The following BRD3 variants were observed in gnomAD, a reference collection of about 807,000 sequenced individuals.
BRD3 encodes bromodomain-containing protein 3.
In BRD3, 17 loss-of-function variants were observed where a neutral mutation model predicts 66.8. The ratio of observed to expected loss-of-function variants is 0.25; its 90% CI spans 0.17 to 0.38. The LOEUF (loss-of-function observed/expected upper bound fraction) is 0.38. Ranked by LOEUF, BRD3 falls within the 10% of genes least tolerant of loss-of-function variation. The probability of loss-of-function intolerance (pLI) is 1.00; values close to 1 mark genes in which losing one functional copy is unlikely to be tolerated. For missense variants in BRD3, 713 were observed against 956.1 expected (o/e 0.75, Z 3.35); for synonymous variants, 421 against 393.2 (o/e 1.07, Z -0.84).
rs750800680 is a variant in BRD3 at position 134,041,587 on chromosome 9, G to A, written c.1407+173C>T. ...CCCACGTGTGCTGTGGGTTAGGCTCGCACCACCCCAGACCTGGGGAGGGCA... is the reference window on the plus strand; with the variant it reads ...CCCACGTGTGCTGTGGGTTAGGCTCACACCACCCCAGACCTGGGGAGGGCA... On this transcript the variant is annotated intron_variant, in intron 8 of 11. Transcript: ENST00000303407. Among the ~76,000 whole-genome samples the A allele has an allele frequency of 3.9e-5, 6 of 152,330 alleles. No individual in the cohort carries two copies. In the East Asian group the frequency reaches 9.6e-4, roughly 24 times the overall value.
chr9:134,052,564 CTT>C, intron 2 of BRD3, 121 bp from the exon 3 acceptor site: 3 of 1,131,186 alleles, frequency 2.7e-6, no homozygotes, highest in Non-Finnish European at 3.8e-6. Flanking sequence ...CCCAGAGGCA[CTT>C]TCTGGTCTCT....
intron 3 of BRD3, 61 bp downstream of exon 3, chr9:134,052,245 C>T: frequency 6.3e-7 from 1 of 1,587,894 alleles, no homozygotes; most frequent in Non-Finnish European, 8.5e-7. Flanking sequence ...CCCAGGCCCA[C>T]TGCGTTGCAC....
At chr9:134,067,251 T>G (rs1830680108) in intron 1 of BRD3, among the ~76,000 whole-genome samples, 1 of 151,796 alleles carries the variant, frequency 6.6e-6, no homozygotes, top group Non-Finnish European at 1.5e-5. Flanking sequence ...TCCCCCTGGT[T>G]TGGGTGCAAT....
In BRD3 at chr9:134,031,182, C is replaced by T. The variant is rs562148137; in HGVS notation, c.*2408G>A. On this transcript the variant is annotated 3_prime_UTR_variant, in exon 12 of 12. Coordinates refer to ENST00000303407, the MANE Select transcript of BRD3 (RefSeq NM_007371.4). ...TCTTTCTAGATGAAAGGAGCAGAGG[C>T]GAGCCGACGCCACCGTCACAGAGAA... 4.0e-5 allele frequency: 9 copies of T among 223,692 alleles called. No individual in the cohort carries two copies. In the South Asian group the frequency reaches 1.1e-3, roughly 27 times the overall value. The allele number at this position is 223,692 out of a possible 1,614,324, so 13.9% of individuals were successfully genotyped here.
At chr9:134,059,006 C>T (rs951139209) in intron 1 of BRD3, among the ~76,000 whole-genome samples, 1 of 152,220 alleles carries the variant, frequency 6.6e-6, no homozygotes, top group African/African-American at 2.4e-5. Flanking sequence ...GGCACTGATT[C>T]AACACTGACT....
chr9:134,051,524 G>A (rs1830295232), intron 4 of BRD3, 38 bp downstream of exon 4: 3 of 1,485,364 alleles, frequency 2.0e-6, no homozygotes, highest in Non-Finnish European at 2.7e-6. Context: ...GGCCTCTGCA[G>A]AGAGGCCCAG....
chr9:134,041,913 C>A lies in BRD3; in HGVS notation c.1254G>T (p.Glu418Asp). 1 of 1,605,376 alleles carries A rather than the reference C, an allele frequency of 6.2e-7. No homozygotes were observed. The highest frequency in any genetic ancestry group is 8.5e-7 in the Non-Finnish European group (1 of 1,175,068). ...CAGGCAGCGCCGGTGCCTCCACGGG[C>A]TCATCTGGCATCTTGGCAAACCTCA... ...FEMRFAKMPD[E>D]PVEAPALPAP... Residue 418 changes from glutamate (E) to aspartate (D), a missense_variant, in exon 8 of 12, where the codon GAG (glutamate) becomes GAT (aspartate). Physicochemically the swap from Glu to Asp is conservative, Grantham distance 45 (BLOSUM62 2). Around this residue, in one of 5 missense-constraint regions of BRD3, gnomAD observed 418 missense variants for 609.3 expected, o/e 0.69. Coordinates refer to ENST00000303407, the MANE Select transcript of BRD3 (RefSeq NM_007371.4).
In BRD3 at chr9:134,040,169, T is replaced by A; in HGVS notation, c.1508A>T (p.Asp503Val). ...EKKEKEKKKKDKEKEKEKHKV... is the reference protein window; with the variant it reads ...EKKEKEKKKKVKEKEKEKHKV... Reference sequence around the variant, plus strand: ...GTGCTTCTCCTTCTCCTTCTCCTTGTCCTTCTTCTTCTTCTCCTTCTCCTT... The same window carrying A: ...GTGCTTCTCCTTCTCCTTCTCCTTGACCTTCTTCTTCTTCTCCTTCTCCTT... The change falls in exon 9 of 12, where the codon GAC becomes GTC. Residue 503 changes from aspartate (D) to valine (V), a missense_variant. Asp to Val is a radical substitution (Grantham distance 152). This residue lies in a region of BRD3 where 418 missense variants were observed against 609.3 expected (regional missense o/e 0.69). Coordinates refer to ENST00000303407, the MANE Select transcript of BRD3 (RefSeq NM_007371.4). 1.3e-6 allele frequency: 2 copies of A among 1,563,858 alleles called. No individual in the cohort carries two copies. The highest frequency in any genetic ancestry group is 1.7e-6 in the Non-Finnish European group (2 of 1,154,440).
At chr9:134,066,041 GAAAGT>G (rs1341952292) in intron 1 of BRD3, among the ~76,000 whole-genome samples, 2 of 152,174 alleles carry the variant, frequency 1.3e-5, no homozygotes, top group South Asian at 2.1e-4. Flanking sequence ...GTTGTCAAAG[GAAAGT>G]AATTACTCTA....
intron 3 of BRD3, 86 bp downstream of exon 3, chr9:134,052,220 A>AGCTGCTGCAAAGCGCCCAGGCCC: frequency 1.3e-6 from 2 of 1,530,500 alleles, no homozygotes; most frequent in Non-Finnish European, 1.8e-6. Flanking sequence ...CCTGCCCAAG[A>AGCTGCTGCAAAGCGCCCAGGCCC]GCTGCTGCAA....
At chr9:134,046,048 T>G (rs767577073) in intron 6 of BRD3, among the ~76,000 whole-genome samples, 3 of 152,144 alleles carry the variant, frequency 2.0e-5, no homozygotes, top group African/African-American at 7.2e-5. Flanking sequence ...CCACCCACGT[T>G]TACTCGGCCA....
intron 6 of BRD3, among the ~76,000 whole-genome samples, chr9:134,047,155 G>A (rs562656720): frequency 2.0e-5 from 3 of 152,350 alleles, no homozygotes; most frequent in East Asian, 3.9e-4. Flanking sequence ...TGTCCTGCCC[G>A]AGATCCAGTC....
At chr9:134,067,490 C>T in intron 1 of BRD3, among the ~76,000 whole-genome samples, 1 of 148,492 alleles carries the variant, frequency 6.7e-6, no homozygotes, top group East Asian at 2.0e-4. Flanking sequence ...CCGCCGCGCG[C>T]ACCTTCCCCC....
At chr9:134,051,453 C>G in intron 4 of BRD3, 109 bp downstream of exon 4, 1 of 1,237,680 alleles carries the variant, frequency 8.1e-7, no homozygotes, top group Non-Finnish European at 1.1e-6. Flanking sequence ...ACGAGCTCGT[C>G]ACGACAGATG....
chr9:134,061,494 T>A (rs1564561053), intron 1 of BRD3, among the ~76,000 whole-genome samples: 1 of 152,172 alleles, frequency 6.6e-6, no homozygotes. Context: ...ACAGGAGCAC[T>A]GGAACCAAGG....
At chr9:134,057,192 T>G (rs1359233841) in intron 1 of BRD3, 1 of 152,176 alleles carries the variant, frequency 6.6e-6, no homozygotes, top group Admixed American at 6.5e-5. Flanking sequence ...ACAAAGAAAT[T>G]ACAATGAAAC....
Position 134,051,548 on chromosome 9 carries a change from C to G in BRD3, c.499+14G>C. 6.5e-7 allele frequency: 1 copy of G among 1,527,574 alleles called. No homozygotes were observed. Among genetic ancestry groups the G allele is most frequent in the East Asian group, 2.5e-5 (1 of 40,312 alleles). The allele number at this position is 1,527,574 out of a possible 1,614,324, so 94.6% of individuals were successfully genotyped here. On this transcript the variant is annotated intron_variant, in intron 4 of 11. Transcript: ENST00000303407. Reference sequence around the variant, plus strand: ...AGAGAGGCCCAGCCCCTCGCCTGCCCCAGCTCCCTTTACCTGCGCTCTGGG... The same window carrying G: ...AGAGAGGCCCAGCCCCTCGCCTGCCGCAGCTCCCTTTACCTGCGCTCTGGG...
At chr9:134,038,711 C>T (rs911166298) in intron 9 of BRD3, among the ~76,000 whole-genome samples, 3 of 152,156 alleles carry the variant, frequency 2.0e-5, no homozygotes, top group Admixed American at 6.5e-5. Flanking sequence ...TGAGTCTTAA[C>T]GTGACGCTCA....
intron 3 of BRD3, among the ~76,000 whole-genome samples, 169 bp from the exon 4 acceptor site, chr9:134,051,878 T>TGTGTGTGTGTGTA (rs372701647): frequency 1.7e-5 from 2 of 116,294 alleles, no homozygotes; most frequent in African/African-American, 7.4e-5. Context: ...TGTGTGTGTG[T>TGTGTGTGTGTGTA]TGTTTTTTTT....
Sources: allele counts gnomAD v4.1 joint callset (sites outside exome capture counted in the v4.1 genomes callset), GRCh38; gene constraint gnomAD v4.1.1; regional missense constraint gnomAD v4.1.1; transcripts MANE v1.5; gene names NCBI Gene and HGNC (gene_info 2026-07-23, HGNC 2026-07-21).